Variants in FBXO17 observed in about 807,000 individuals in gnomAD.
The protein encoded by FBXO17 is F-box only protein 17.
Under a neutral mutation model 34.1 loss-of-function variants are expected in FBXO17, and 43 were observed. The ratio of observed to expected loss-of-function variants is 1.26; its 90% confidence interval spans 0.99 to 1.62. The LOEUF is 1.62. FBXO17 is among the 40% of genes most tolerant of loss of function. The pLI, the probability that FBXO17 is intolerant of heterozygous loss-of-function variation, is 0.00. For synonymous variants in FBXO17, 169 were observed against 166.0 expected, an observed-to-expected ratio of 1.02 and a Z score of -0.14; for missense variants, 424 against 386.7, an observed-to-expected ratio of 1.10 and a Z score of -0.81.
intron 4 of FBXO17, 92 bp downstream of exon 4, chr19:38,946,380 C>A (rs1032603139): frequency 6.3e-7 from 1 of 1,578,836 alleles, no homozygotes; most frequent in Non-Finnish European, 8.6e-7. Context: ...AGCCGCTACC[C>A]GTGGGGTTGA....
At chr19:38,943,346 T>A (rs1974922339) in intron 5 of FBXO17, among the ~76,000 whole-genome samples, 1 of 152,042 alleles carries the variant, frequency 6.6e-6, no homozygotes, top group South Asian at 2.1e-4. Flanking sequence ...TGATTTTGGC[T>A]CAATGCAACC....
At chr19:38,942,864 G>C in intron 5 of FBXO17, 113 bp from the exon 6 acceptor site, 1 of 1,303,182 alleles carries the variant, frequency 7.7e-7, no homozygotes, top group South Asian at 1.5e-5. Flanking sequence ...CTAGTTTGCT[G>C]GGGACGGAGC....
At chr19:38,956,274 A>AG (rs1975166567) in intron 1 of FBXO17, among the ~76,000 whole-genome samples, 1 of 151,988 alleles carries the variant, frequency 6.6e-6, no homozygotes, top group South Asian at 2.1e-4. Flanking sequence ...TCAAAAAAAA[A>AG]AAAAAAAGAT....
chr19:38,975,326 G>C lies in FBXO17; in HGVS notation c.-18+260C>G, dbSNP rs1042748468. The stretch of plus-strand genomic sequence containing the variant: ...AGCGCAGGGATGGAGAGGCCTGGGC[G>C]TTCGAACACCCACGTTCAAAGCAAA... On this transcript the variant is annotated intron_variant, in intron 1 of 5. Transcript: ENST00000292852. The surrounding 1 kb of genome is among the most constrained non-coding windows in gnomAD (Gnocchi z 4.9). 6.6e-6 allele frequency among the ~76,000 whole-genome samples: 1 copy of C among 152,236 alleles called. No homozygotes were observed. The highest frequency in any genetic ancestry group is 2.4e-5 in the African/African-American group (1 of 41,470).
intron 5 of FBXO17, 33 bp from the exon 6 acceptor site, chr19:38,942,784 C>A: frequency 6.3e-7 from 1 of 1,578,486 alleles, no homozygotes; most frequent in Non-Finnish European, 8.6e-7. Flanking sequence ...AGGGTGAGGG[C>A]CTGCGGGCCC....
At chr19:38,974,487 TTA>T (rs2047274016) in intron 1 of FBXO17, among the ~76,000 whole-genome samples, 1 of 152,104 alleles carries the variant, frequency 6.6e-6, no homozygotes, top group South Asian at 2.1e-4. Flanking sequence ...GTTAAAAAAA[TTA>T]TTTTATGTTA....
chr19:38,966,293 T>TTGTGTGTGTGTGTGTGTG (rs10569438), intron 1 of FBXO17, among the ~76,000 whole-genome samples: 1,469 of 143,036 alleles, frequency 0.01, 14 homozygotes, highest in African/African-American at 0.02. Context: ...ATTAAAAATT[T>TTGTGTGTGTGTGTGTGTG]TGTGTGTGTG....
intron 4 of FBXO17, 179 bp downstream of exon 4, chr19:38,946,292 TG>T (rs1162318242): frequency 9.1e-7 from 1 of 1,101,344 alleles, no homozygotes; most frequent in Non-Finnish European, 1.3e-6. Context: ...GTGGGGGCTC[TG>T]GCTTCTCCAA....
At chr19:38,967,005 A>T (rs1975329739) in intron 1 of FBXO17, among the ~76,000 whole-genome samples, 1 of 152,236 alleles carries the variant, frequency 6.6e-6, no homozygotes, top group African/African-American at 2.4e-5. Flanking sequence ...GATTTTTTAG[A>T]TCCAACACCA....
chr19:38,970,958 G>A (rs1975383216), intron 1 of FBXO17, among the ~76,000 whole-genome samples: 1 of 152,076 alleles, frequency 6.6e-6, no homozygotes, highest in African/African-American at 2.4e-5. Flanking sequence ...AATGAGCTGG[G>A]TGTGGTGGTG....
chr19:38,950,967 T>A (rs1009524220), intron 1 of FBXO17, among the ~76,000 whole-genome samples: 8 of 151,780 alleles, frequency 5.3e-5, no homozygotes, highest in African/African-American at 1.2e-4. Flanking sequence ...AATTTTTGTA[T>A]TTTTAGTAGA....
intron 1 of FBXO17, among the ~76,000 whole-genome samples, chr19:38,971,434 T>C (rs1178059300): frequency 6.6e-6 from 1 of 152,122 alleles, no homozygotes; most frequent in East Asian, 1.9e-4. Context: ...GGCACGATCA[T>C]TCGTTGAATT....
At chr19:38,967,568 ATTT>A (rs59028401) in intron 1 of FBXO17, among the ~76,000 whole-genome samples, 70 of 148,310 alleles carry the variant, frequency 4.7e-4, no homozygotes, top group Middle Eastern at 3.5e-3. Flanking sequence ...GGAAAATGCA[ATTT>A]TTTTTTTTTT....
intron 1 of FBXO17, among the ~76,000 whole-genome samples, chr19:38,971,611 C>A (rs181432866): frequency 6.6e-6 from 1 of 151,794 alleles, no homozygotes; most frequent in African/African-American, 2.4e-5. Context: ...TAGTGAGACC[C>A]CTGTCTCTAC....
At position 38,975,308 on chromosome 19, in the gene FBXO17, G is replaced by A. The variant is rs1179335321; in HGVS notation, c.-18+278C>T. ...TGGTGGCCTCCGCGGACGAGCGCAG[G>A]GATGGAGAGGCCTGGGCGTTCGAAC... On this transcript the variant is annotated intron_variant, in intron 1 of 5. Coordinates refer to ENST00000292852, the MANE Select transcript of FBXO17 (RefSeq NM_024907.7). The surrounding 1 kb of genome is among the most constrained non-coding windows in gnomAD (Gnocchi z 4.9). Among the ~76,000 whole-genome samples the A allele has an allele frequency of 6.6e-6, 1 of 152,196 alleles. No individual in the cohort carries two copies. The highest frequency in any genetic ancestry group is 1.5e-5 in the Non-Finnish European group (1 of 68,036).
Position 38,955,123 on chromosome 19 carries a change from G to C in FBXO17, c.-17-4787C>G, listed in dbSNP as rs544945533. 2.4e-3 allele frequency among the ~76,000 whole-genome samples: 366 copies of C among 151,482 alleles called. 2 individuals are homozygous for C. Among genetic ancestry groups the C allele is most frequent in the African/African-American group, 8.2e-3 (340 of 41,312 alleles). On this transcript the variant is annotated intron_variant, in intron 1 of 5. Transcript: ENST00000292852. Reference sequence around the variant, plus strand: ...TTTTTTTGTATTTTTAGTAGAGACGGGGTTTCACCATGTTAGCCAGGATGG... The same window carrying C: ...TTTTTTTGTATTTTTAGTAGAGACGCGGTTTCACCATGTTAGCCAGGATGG...
rs1036623295 is a variant in FBXO17, at chr19:38,955,081, C to T, written c.-17-4745G>A. Among the ~76,000 whole-genome samples, 101 of 151,770 alleles carry T rather than the reference C, an allele frequency of 6.7e-4. 2 individuals carry two copies. Among genetic ancestry groups the T allele is most frequent in the Admixed American group, 3.3e-4 (5 of 15,204 alleles). On this transcript the variant is annotated intron_variant, in intron 1 of 5. Transcript: ENST00000292852. The stretch of plus-strand genomic sequence containing the variant: ...GGGTAACTGAGACTACAGGCGCCCA[C>T]CACCATGCCCAGCTAATTTTTTTGT...
intron 5 of FBXO17, 101 bp from the exon 6 acceptor site, chr19:38,942,852 C>T (rs906274413): frequency 3.1e-5 from 41 of 1,309,684 alleles, no homozygotes; most frequent in Middle Eastern, 4.5e-4. Context: ...GCCAGTCCTG[C>T]GCTAGTTTGC....
intron 1 of FBXO17, among the ~76,000 whole-genome samples, chr19:38,960,086 A>T (rs947084098): frequency 6.6e-6 from 1 of 152,176 alleles, no homozygotes; most frequent in Non-Finnish European, 1.5e-5. Context: ...AAAATAGAAG[A>T]ATCTGTGAAA....
Sources: gnomAD v4.1 joint callset for allele counts (sites outside exome capture counted in the v4.1 genomes callset) on GRCh38, gnomAD v4.1.1 for gene constraint, Gnocchi (gnomAD v3.1) non-coding constraint, MANE v1.5 for transcripts, NCBI Gene and HGNC (gene_info 2026-07-23, HGNC 2026-07-21) for gene names.